RBFOX1: variants seen among roughly 807,000 people sequenced by gnomAD.
The protein encoded by RBFOX1 is RNA binding fox-1 homolog 1.
Under a neutral mutation model 57.7 loss-of-function variants are expected in RBFOX1, and 8 were observed. That is an observed-to-expected ratio of 0.14 (90% confidence interval 0.08 to 0.25). The LOEUF (loss-of-function observed/expected upper bound fraction) is 0.25, where lower values mean the gene tolerates loss of function less well. Among genes scored for constraint, RBFOX1 ranks in the 10% least tolerant of loss-of-function variants. The pLI, the probability that RBFOX1 is intolerant of heterozygous loss-of-function variation, is 1.00. For synonymous variants in RBFOX1, 326 were observed against 222.4 expected, an observed-to-expected ratio of 1.47 and a Z score of -4.15; for missense variants, 611 against 548.5, an observed-to-expected ratio of 1.11 and a Z score of -1.14.
intron 4 of RBFOX1, among the ~76,000 whole-genome samples, chr16:7,201,284 G>C (rs78245224): frequency 6.6e-6 from 1 of 152,078 alleles, no homozygotes; most frequent in Non-Finnish European, 1.5e-5. Flanking sequence ...AGAAACAACG[G>C]AGAGCCAGGT....
intron 3 of RBFOX1, among the ~76,000 whole-genome samples, chr16:6,954,258 C>G (rs182042591): frequency 2.0e-5 from 3 of 149,876 alleles, no homozygotes; most frequent in African/African-American, 7.3e-5. Flanking sequence ...TGTAATAAAT[C>G]AGGGTAGCGA....
chr16:6,625,340 T>G lies in RBFOX1; in HGVS notation c.-63-29263T>G, dbSNP rs117564393. On this transcript the variant is annotated intron_variant, in intron 2 of 15. Coordinates refer to ENST00000550418, the MANE Select transcript of RBFOX1 (RefSeq NM_018723.4). ...CTAAAAAATGTAGCTAATTTCTTCA[T>G]TCCTGTAACTCTGGGTTTGAGACAA... Among the ~76,000 whole-genome samples the G allele has an allele frequency of 6.1e-3, 920 of 151,980 alleles. 9 individuals are homozygous for G. The highest frequency in any genetic ancestry group is 8.2e-3 in the Non-Finnish European group (555 of 67,964).
At chr16:6,020,871 C>A (rs1309478005) in intron 1 of RBFOX1, among the ~76,000 whole-genome samples, 1 of 152,182 alleles carries the variant, frequency 6.6e-6, no homozygotes, top group East Asian at 1.9e-4. Context: ...AGCCCGGAAG[C>A]TGTCCACTCA....
intron 1 of RBFOX1, among the ~76,000 whole-genome samples, chr16:6,246,146 A>C (rs2097567901): frequency 1.3e-5 from 2 of 152,208 alleles, no homozygotes; most frequent in Non-Finnish European, 2.9e-5. Flanking sequence ...CATGGAGCTG[A>C]GATCCTCATC....
chr16:5,855,181 T>C (rs542832532), intron 3 of RBFOX1, among the ~76,000 whole-genome samples: 2 of 152,342 alleles, frequency 1.3e-5, no homozygotes, highest in South Asian at 4.1e-4. Context: ...TAGGTTGCTA[T>C]TTTGTTCTGT....
chr16:5,747,279 A>C (rs1489198050), intron 3 of RBFOX1, among the ~76,000 whole-genome samples: 1 of 152,150 alleles, frequency 6.6e-6, no homozygotes, highest in East Asian at 1.9e-4. Flanking sequence ...TGCTGGATTC[A>C]GTTTGCCAGT....
chr16:6,769,259 G>A (rs1464600234), intron 3 of RBFOX1, among the ~76,000 whole-genome samples: 4 of 152,196 alleles, frequency 2.6e-5, no homozygotes, highest in African/African-American at 9.6e-5. Flanking sequence ...TGCCATCGAT[G>A]TAAGATGAGA....
At chr16:6,878,167 T>C (rs1411447985) in intron 3 of RBFOX1, among the ~76,000 whole-genome samples, 1 of 152,148 alleles carries the variant, frequency 6.6e-6, no homozygotes. Context: ...ATGTAAATAC[T>C]TCCACTTCCC....
chr16:6,578,429 G>A (rs2097478648), intron 2 of RBFOX1, among the ~76,000 whole-genome samples: 1 of 152,092 alleles, frequency 6.6e-6, no homozygotes, highest in African/African-American at 2.4e-5. Flanking sequence ...GTCCTTGGCT[G>A]GGTAGCTGAT....
intron 3 of RBFOX1, among the ~76,000 whole-genome samples, chr16:7,022,212 C>T (rs1185039203): frequency 1.3e-5 from 2 of 150,408 alleles, no homozygotes; most frequent in Non-Finnish European, 3.0e-5. Context: ...TACAGACACA[C>T]CCCTAATTTT....
intron 1 of RBFOX1, among the ~76,000 whole-genome samples, chr16:5,338,294 C>G (rs2064948883): frequency 6.6e-6 from 1 of 152,140 alleles, no homozygotes; most frequent in Non-Finnish European, 1.5e-5. Flanking sequence ...CATGATCAAG[C>G]TGGACCAGTC....
chr16:7,476,217 C>T (rs2062674364), intron 4 of RBFOX1, among the ~76,000 whole-genome samples: 1 of 152,166 alleles, frequency 6.6e-6, no homozygotes, highest in Non-Finnish European at 1.5e-5. Flanking sequence ...AAATGATCCT[C>T]CCACCTAGGC....
At chr16:6,985,792 C>T (rs2090105140) in intron 3 of RBFOX1, among the ~76,000 whole-genome samples, 1 of 148,072 alleles carries the variant, frequency 6.8e-6, no homozygotes, top group South Asian at 2.1e-4. Flanking sequence ...TTAGTTGGTG[C>T]TACTGCACTC....
chr16:7,223,728 A>AAG (rs1567780065), intron 4 of RBFOX1, among the ~76,000 whole-genome samples: 1 of 150,932 alleles, frequency 6.6e-6, no homozygotes. Context: ...AAAAAAAAAA[A>AAG]AAAGAAAAAG....
Position 5,878,160 on chromosome 16 carries a change from TG to T in RBFOX1, c.351+10827del, listed in dbSNP as rs1567660975. Among the ~76,000 whole-genome samples, 4 of 152,100 alleles carry T rather than the reference TG, an allele frequency of 2.6e-5. 1 individual carries two copies. The South Asian group carries it at 8.3e-4, about 32-fold the overall frequency. ...AAGGGGTAGGGGATGAGGGAACAATTGGAAAATCAGCTGGACATGTGGATGA... is the reference window on the plus strand; with the variant it reads ...AAGGGGTAGGGGATGAGGGAACAATTGAAAATCAGCTGGACATGTGGATGA... On this transcript the variant is annotated intron_variant, in intron 4 of 19. Coordinates refer to the RBFOX1 transcript ENST00000641259.
intron 14 of RBFOX1, among the ~76,000 whole-genome samples, chr16:7,695,012 CCA>C (rs2078345354): frequency 6.6e-6 from 1 of 152,124 alleles, no homozygotes; most frequent in South Asian, 2.1e-4. Context: ...AGCAAGTGAT[CCA>C]CACACAATAT....
chr16:6,826,310 C>G (rs73534604), intron 3 of RBFOX1, among the ~76,000 whole-genome samples: 3,083 of 152,170 alleles, frequency 0.02, 107 homozygotes, highest in African/African-American at 0.071. Flanking sequence ...TCCAGGAGTT[C>G]AAGACCAGCC....
At chr16:5,500,217 G>GCA (rs1406123119) in intron 2 of RBFOX1, among the ~76,000 whole-genome samples, 3 of 96,822 alleles carry the variant, frequency 3.1e-5, no homozygotes, top group African/African-American at 1.6e-4. Flanking sequence ...ATTGCATTCC[G>GCA]TTCCGTTCCG....
At chr16:7,369,845 C>A (rs950058694) in intron 4 of RBFOX1, among the ~76,000 whole-genome samples, 1 of 152,164 alleles carries the variant, frequency 6.6e-6, no homozygotes, top group Admixed American at 6.5e-5. Context: ...CTATCAATTT[C>A]ATTATCTCAC....
Sources: gnomAD v4.1 joint callset for allele counts (sites outside exome capture counted in the v4.1 genomes callset) on GRCh38, gnomAD v4.1.1 for gene constraint, MANE v1.5 for transcripts, NCBI Gene and HGNC (gene_info 2026-07-23, HGNC 2026-07-21) for gene names.